MAML3: variants seen among roughly 807,000 people sequenced by gnomAD.
The protein encoded by MAML3 is mastermind-like protein 3.
Under a neutral mutation model 101.9 loss-of-function variants are expected in MAML3, and 27 were observed. The ratio of observed to expected loss-of-function variants is 0.27; its 90% confidence interval spans 0.20 to 0.37. MAML3 has a LOEUF of 0.37. Among genes scored for constraint, MAML3 ranks in the 10% least tolerant of loss-of-function variants. MAML3 has a pLI of 1.00. For missense variants in MAML3, 1,316 were observed against 1,444.9 expected, an observed-to-expected ratio of 0.91 and a Z score of 1.45; for synonymous variants, 501 against 555.9, an observed-to-expected ratio of 0.90 and a Z score of 1.39.
At position 140,066,643 on chromosome 4, in the gene MAML3, C is replaced by T. The variant is rs137992336; in HGVS notation, c.468+86217G>A. Reference sequence around the variant, plus strand: ...CAAAAACAGGAGCAGGAAAAAAAATCGTATTGCTGAAAAATGACTCTATTT... The same window carrying T: ...CAAAAACAGGAGCAGGAAAAAAAATTGTATTGCTGAAAAATGACTCTATTT... On this transcript the variant is annotated intron_variant, in intron 1 of 4. Transcript: ENST00000509479. Among the ~76,000 whole-genome samples the T allele has an allele frequency of 9.7e-3, 1,473 of 152,200 alleles. 38 individuals carry two copies. Among genetic ancestry groups the T allele is most frequent in the African/African-American group, 0.034 (1,407 of 41,530 alleles).
At chr4:140,074,150 G>A (rs1251336654) in intron 1 of MAML3, among the ~76,000 whole-genome samples, 2 of 126,760 alleles carry the variant, frequency 1.6e-5, no homozygotes, top group East Asian at 4.6e-4. Flanking sequence ...AAGAAAGAAA[G>A]AAAGAGAGAG....
chr4:140,053,666 G>A (rs1727306574), intron 1 of MAML3, among the ~76,000 whole-genome samples: 1 of 152,130 alleles, frequency 6.6e-6, no homozygotes, highest in Non-Finnish European at 1.5e-5. Context: ...TCTGTAAAGA[G>A]CCATTTAGTA....
chr4:139,933,216 G>A (rs1035917021), intron 1 of MAML3, among the ~76,000 whole-genome samples: 1 of 152,208 alleles, frequency 6.6e-6, no homozygotes, highest in Non-Finnish European at 1.5e-5. Context: ...AGCCACACAT[G>A]TAAGACAGAT....
chr4:139,897,596 C>G (rs575827138), intron 1 of MAML3, among the ~76,000 whole-genome samples: 1 of 152,186 alleles, frequency 6.6e-6, no homozygotes, highest in African/African-American at 2.4e-5. Context: ...ATGCCACTAC[C>G]CCATTCAGAG....
At chr4:139,968,487 T>G (rs1734179412) in intron 1 of MAML3, among the ~76,000 whole-genome samples, 1 of 152,144 alleles carries the variant, frequency 6.6e-6, no homozygotes, top group East Asian at 1.9e-4. Flanking sequence ...ATGTTACTAA[T>G]GACCCTTGGC....
rs542638035 is a variant in MAML3, at chr4:139,921,467, A to C, written c.469-30500T>G. On this transcript the variant is annotated intron_variant, in intron 1 of 4. Coordinates refer to ENST00000509479, the MANE Select transcript of MAML3 (RefSeq NM_018717.5). ...TTCCCTCAGTGCAAAACAAGCATAG[A>C]GAGCTTGCTGGGGCTTGCAGAAAGA... Among the ~76,000 whole-genome samples, 6 of 152,304 alleles carry C rather than the reference A, an allele frequency of 3.9e-5. No individual in the cohort carries two copies. The South Asian group carries it at 1.2e-3, about 32-fold the overall frequency.
intron 1 of MAML3, among the ~76,000 whole-genome samples, chr4:139,935,508 CCTT>C (rs1262107226): frequency 2.0e-5 from 3 of 152,150 alleles, no homozygotes; most frequent in African/African-American, 2.4e-5. Flanking sequence ...TCCCTGCCCT[CCTT>C]CTCTTCCCTG....
At chr4:139,881,519 A>G (rs1042498826) in intron 2 of MAML3, among the ~76,000 whole-genome samples, 3 of 152,192 alleles carry the variant, frequency 2.0e-5, no homozygotes, top group African/African-American at 4.8e-5. Context: ...GAATCACCCT[A>G]TAACAAAGCA....
At chr4:139,775,433 G>C (rs1034417429) in intron 2 of MAML3, among the ~76,000 whole-genome samples, 2 of 152,120 alleles carry the variant, frequency 1.3e-5, no homozygotes, top group Non-Finnish European at 2.9e-5. Context: ...CACATTAGCT[G>C]GCCCTTGCGG....
chr4:140,059,850 T>C (rs1373590530), intron 1 of MAML3, among the ~76,000 whole-genome samples: 1 of 152,202 alleles, frequency 6.6e-6, no homozygotes, highest in Non-Finnish European at 1.5e-5. Context: ...CAAATATGCA[T>C]CTTTTTCAAA....
chr4:140,120,139 AG>A (rs1405376796), intron 1 of MAML3, among the ~76,000 whole-genome samples: 3 of 150,710 alleles, frequency 2.0e-5, no homozygotes, highest in African/African-American at 7.3e-5. Context: ...CGGGAGGCTG[AG>A]GCAGGAGAAT....
intron 1 of MAML3, among the ~76,000 whole-genome samples, chr4:139,938,517 G>C (rs190647955): frequency 6.6e-6 from 1 of 152,242 alleles, no homozygotes; most frequent in East Asian, 1.9e-4. Context: ...ATACCCATAC[G>C]ATGTCAGCAC....
chr4:139,879,385 G>A (rs1377366522), intron 2 of MAML3, among the ~76,000 whole-genome samples: 1 of 151,754 alleles, frequency 6.6e-6, no homozygotes, highest in Non-Finnish European at 1.5e-5. Flanking sequence ...AATTAGTGGG[G>A]CATCATGGTG....
chr4:139,935,690 T>C (rs868459289), intron 1 of MAML3, among the ~76,000 whole-genome samples: 28 of 152,082 alleles, frequency 1.8e-4, no homozygotes, highest in South Asian at 4.1e-4. Flanking sequence ...GTTTTAGTTT[T>C]TAAATTTTTC....
At chr4:139,790,373 C>A (rs1730387575) in intron 2 of MAML3, among the ~76,000 whole-genome samples, 1 of 150,400 alleles carries the variant, frequency 6.6e-6, no homozygotes, top group African/African-American at 2.4e-5. Flanking sequence ...CAGAACAAAC[C>A]ACTTTTTTTC....
intron 1 of MAML3, among the ~76,000 whole-genome samples, chr4:140,004,712 T>C (rs1377379971): frequency 6.6e-6 from 1 of 151,922 alleles, no homozygotes; most frequent in African/African-American, 2.4e-5. Flanking sequence ...CTCACGGGGC[T>C]GGCGAGGGAG....
intron 2 of MAML3, among the ~76,000 whole-genome samples, chr4:139,802,983 T>C (rs1218328211): frequency 6.6e-6 from 1 of 152,254 alleles, no homozygotes; most frequent in Non-Finnish European, 1.5e-5. Flanking sequence ...TTACATATTA[T>C]GGTGCTGAGA....
chr4:139,796,623 A>G (rs1416333509), intron 2 of MAML3, among the ~76,000 whole-genome samples: 1 of 152,194 alleles, frequency 6.6e-6, no homozygotes, highest in African/African-American at 2.4e-5. Context: ...AAAATCAACC[A>G]ACCGATCAAG....
At chr4:139,771,409 A>G (rs1368167845) in intron 2 of MAML3, among the ~76,000 whole-genome samples, 1 of 152,244 alleles carries the variant, frequency 6.6e-6, no homozygotes, top group Admixed American at 6.5e-5. Context: ...TAAATAAAAC[A>G]TCAGGTAGTG....
Sources: gnomAD v4.1 joint callset for allele counts (sites outside exome capture counted in the v4.1 genomes callset) on GRCh38, gnomAD v4.1.1 for gene constraint, MANE v1.5 for transcripts, NCBI Gene and HGNC (gene_info 2026-07-23, HGNC 2026-07-21) for gene names.